DNAH5: variants seen among roughly 807,000 people sequenced by gnomAD.
DNAH5 encodes dynein axonemal heavy chain 5, also known as axonemal beta dynein heavy chain 5.
DNAH5 carries 372 observed loss-of-function variants against 518.2 expected under a neutral mutation model. That is an observed-to-expected ratio of 0.72 (90% CI 0.66 to 0.78). DNAH5 has a LOEUF of 0.78. Ranked by LOEUF, DNAH5 falls within the 30% of genes least tolerant of loss-of-function variation. The pLI is 0.00. For missense variants in DNAH5, 5,523 were observed against 5,687.0 expected (o/e 0.97, Z 0.93); for synonymous variants, 2,039 against 2,025.9 (o/e 1.01, Z -0.17).
chr5:13,751,185 C>T lies in DNAH5; in HGVS notation c.11104G>A (p.Ala3702Thr), dbSNP rs1240907244. The change falls in exon 65 of 79, where the codon GCC (alanine) becomes ACC (threonine). Residue 3702 changes from alanine (A) to threonine (T), a missense_variant. Around this residue, in one of 3 missense-constraint regions of DNAH5, gnomAD observed 5,121 missense variants for 5,223.3 expected, o/e 0.98. Transcript: ENST00000265104. ...CGGGCACTTATCTCAGGGGTGTAGG[C>T]TGGGTTAGGCAATTTGGTGGTAATG... The part of the protein sequence containing the change: ...LYITTKLPNP[A>T]YTPEISARTS... The T allele has an allele frequency of 6.2e-7, 1 of 1,613,752 alleles. No homozygotes were observed. Among genetic ancestry groups the T allele is most frequent in the Non-Finnish European group, 8.5e-7 (1 of 1,179,910 alleles).
In DNAH5 at chr5:13,866,234, G is replaced by A. The variant is rs1342745219; in HGVS notation, c.4102C>T (p.Leu1368Phe). ...AAAAAGATTACCTGAAACATGATAA[G>A]CCTGTCACTGGCTTCCTGGGGCTTC... ...GLKPQEASDR[L>F]IMFQNQFDNI... is the part of the protein sequence containing the mutation. Residue 1368 changes from leucine to phenylalanine, a missense_variant, in exon 26 of 79, where the codon CTT becomes TTT. Leu to Phe is a conservative substitution (Grantham distance 22). This residue lies in a region of DNAH5 where 5,121 missense variants were observed against 5,223.3 expected (regional missense o/e 0.98). Coordinates refer to ENST00000265104, the MANE Select transcript of DNAH5 (RefSeq NM_001369.3). 6.2e-7 allele frequency: 1 copy of A among 1,613,580 alleles called. No individual in the cohort carries two copies. The highest frequency in any genetic ancestry group is 1.7e-5 in the Admixed American group (1 of 59,966).
At chr5:13,883,874 C>G (rs952886410) in intron 19 of DNAH5, among the ~76,000 whole-genome samples, 1 of 152,066 alleles carries the variant, frequency 6.6e-6, no homozygotes, top group Non-Finnish European at 1.5e-5. Flanking sequence ...AAAAATCTTT[C>G]AGAGTTTCCA....
At chr5:13,988,440 CAG>C (rs1783218890) in intron 1 of DNAH5, among the ~76,000 whole-genome samples, 1 of 150,492 alleles carries the variant, frequency 6.6e-6, no homozygotes, top group Non-Finnish European at 1.5e-5. Flanking sequence ...TTCTTTGAGA[CAG>C]AGTCTGGCTC....
Position 13,841,902 on chromosome 5 carries a change from G to C in DNAH5, c.5274C>G (p.Ile1758Met). The change falls in exon 33 of 79, where the codon ATC (isoleucine) becomes ATG (methionine). Residue 1758 changes from isoleucine to methionine, a missense_variant and splice_region_variant. Physicochemically the swap from Ile to Met is conservative, Grantham distance 10. Coordinates refer to ENST00000265104, the MANE Select transcript of DNAH5 (RefSeq NM_001369.3). ...AGGAAATTGACAGAATTCGATCATA[G>C]ATCTATGTTAGAAACCAAAAAAAAA... Reference protein sequence around the residue: ...NIKSVKFHEKIYDRILSISSQ... With the variant: ...NIKSVKFHEKMYDRILSISSQ... 1 of 809,156 alleles carries C rather than the reference G, an allele frequency of 1.2e-6. No homozygotes were observed. Among genetic ancestry groups the C allele is most frequent in the Non-Finnish European group, 1.9e-6 (1 of 523,142 alleles). The allele number at this position is 809,156 out of a possible 1,614,324, so 50.1% of individuals were successfully genotyped here. A position where few individuals can be genotyped will look rare whatever the true frequency, so the allele number is the denominator to read the frequency against.
At chr5:13,749,118 C>A (rs1749842978) in intron 65 of DNAH5, among the ~76,000 whole-genome samples, 1 of 152,014 alleles carries the variant, frequency 6.6e-6, no homozygotes, top group Non-Finnish European at 1.5e-5. Context: ...TGCTGAAAAT[C>A]CATGAAAATG....
chr5:13,990,267 C>T (rs339412), intron 1 of DNAH5, among the ~76,000 whole-genome samples: 3,772 of 151,992 alleles, frequency 0.025, 152 homozygotes, highest in African/African-American at 0.086. Context: ...AATTGGGGCC[C>T]GGCGGCCAGG....
chr5:13,872,474 A>T (rs1350533532), intron 22 of DNAH5, among the ~76,000 whole-genome samples: 1 of 152,206 alleles, frequency 6.6e-6, no homozygotes, highest in African/African-American at 2.4e-5. Flanking sequence ...TAGAGACCCC[A>T]GATACTTCTT....
chr5:13,902,727 C>T (rs1774805427), intron 12 of DNAH5, among the ~76,000 whole-genome samples: 1 of 152,156 alleles, frequency 6.6e-6, no homozygotes, highest in Non-Finnish European at 1.5e-5. Context: ...CCTAGAGGAA[C>T]TGAAATCCCA....
rs775252879 is a variant in DNAH5, at chr5:13,871,429, C to T, written c.3598+135G>A. On this transcript the variant is annotated intron_variant, in intron 23 of 78. Coordinates refer to ENST00000265104, the MANE Select transcript of DNAH5 (RefSeq NM_001369.3). The stretch of plus-strand genomic sequence containing the variant: ...CAGAAGAAAATTTTTTAAAAATCCA[C>T]AAATTGGTTTTAAAGCTTGAGGCCC... 574 of 770,148 alleles carry T rather than the reference C, an allele frequency of 7.5e-4. 2 individuals are homozygous for T. Among genetic ancestry groups the T allele is most frequent in the Non-Finnish European group, 1.1e-3 (519 of 481,000 alleles). 47.7% of individuals were successfully genotyped at this position (770,148 alleles called of 1,614,324 possible). A position where few individuals can be genotyped will look rare whatever the true frequency, so the allele number is the denominator to read the frequency against.
intron 47 of DNAH5, among the ~76,000 whole-genome samples, chr5:13,804,236 C>A (rs1271740171): frequency 6.6e-6 from 1 of 152,180 alleles, no homozygotes; most frequent in Non-Finnish European, 1.5e-5. Context: ...AATTATTAAT[C>A]TGAGACAATG....
At chr5:13,752,799 T>C (rs1456599500) in intron 63 of DNAH5, among the ~76,000 whole-genome samples, 1 of 152,242 alleles carries the variant, frequency 6.6e-6, no homozygotes, top group Admixed American at 6.5e-5. Context: ...CTGTTTCCAT[T>C]GTTGTTTAAC....
rs267600363 is a variant in DNAH5, at chr5:13,807,707, C to T, written c.7771G>A (p.Glu2591Lys). The change falls in exon 47 of 79, where the codon GAA (glutamate) becomes AAA (lysine). Residue 2591 changes from glutamate to lysine, a missense_variant. Glu to Lys is a moderately conservative substitution (Grantham distance 56). Around this residue, in one of 3 missense-constraint regions of DNAH5, gnomAD observed 5,121 missense variants for 5,223.3 expected, o/e 0.98. Coordinates refer to ENST00000265104, the MANE Select transcript of DNAH5 (RefSeq NM_001369.3). ...ATTACTGTTTTGGCTGTTCCTTGTT[C>T]ACCAATTAATAGCACAGCCTAAAAT... ...KQGKAVLLIG[E>K]QGTAKTVIIK... 6.2e-7 allele frequency: 1 copy of T among 1,606,344 alleles called. No homozygotes were observed. Among genetic ancestry groups the T allele is most frequent in the African/African-American group, 1.3e-5 (1 of 74,604 alleles).
intron 29 of DNAH5, chr5:13,860,329 G>T (rs764423761): frequency 6.6e-6 from 1 of 152,344 alleles, no homozygotes; most frequent in Non-Finnish European, 1.5e-5. Flanking sequence ...AGAAGACTAA[G>T]TTCCACATCA....
chr5:13,940,824 A>C (rs17212745), intron 1 of DNAH5, among the ~76,000 whole-genome samples: 33,212 of 152,224 alleles, frequency 0.22, 4,327 homozygotes, highest in Non-Finnish European at 0.29. Context: ...GACTTGTGCA[A>C]AAATTGAATG....
chr5:13,826,764 T>A (rs1197811453), intron 38 of DNAH5, among the ~76,000 whole-genome samples: 1 of 152,204 alleles, frequency 6.6e-6, no homozygotes, highest in Non-Finnish European at 1.5e-5. Context: ...GGGGTGCTAC[T>A]ATAAAGATAC....
intron 52 of DNAH5, among the ~76,000 whole-genome samples, chr5:13,781,396 G>C: frequency 6.6e-6 from 1 of 152,080 alleles, no homozygotes; most frequent in East Asian, 1.9e-4. Flanking sequence ...CTCCACATTT[G>C]AAAAGTGTTC....
rs1770111455 is a variant in DNAH5, at chr5:13,871,600, C to T, written c.3562G>A (p.Glu1188Lys). The T allele has an allele frequency of 1.9e-6, 3 of 1,613,730 alleles. No homozygotes were observed. The highest frequency in any genetic ancestry group is 2.5e-6 in the Non-Finnish European group (3 of 1,179,740). Residue 1188 changes from glutamate to lysine, a missense_variant, in exon 23 of 79, where the codon GAA becomes AAA. Physicochemically the swap from Glu to Lys is moderately conservative, Grantham distance 56. This residue lies in a region of DNAH5 where 5,121 missense variants were observed against 5,223.3 expected (regional missense o/e 0.98). Coordinates refer to ENST00000265104, the MANE Select transcript of DNAH5 (RefSeq NM_001369.3). ...GCAATGGAACCCACACAGACATATT[C>T]AGGCTCAGCATTAATTTCCTGCTCT... ...NLEQEINAEP[E>K]YVCVGSIALY...
Position 13,916,008 on chromosome 5 carries a change from A to C in DNAH5, c.1197+340T>G, listed in dbSNP as rs552664530. Among the ~76,000 whole-genome samples the C allele has an allele frequency of 2.6e-5, 4 of 152,206 alleles. No homozygotes were observed. The East Asian group carries it at 5.8e-4, about 22-fold the overall frequency. On this transcript the variant is annotated intron_variant, in intron 9 of 78. Coordinates refer to ENST00000265104, the MANE Select transcript of DNAH5 (RefSeq NM_001369.3). Reference sequence around the variant, plus strand: ...ATGAAATATGAAACAGGAGATAGCCAGTTAAATATAGCTTTTCTTAATTAA... The same window carrying C: ...ATGAAATATGAAACAGGAGATAGCCCGTTAAATATAGCTTTTCTTAATTAA...
intron 50 of DNAH5, 32 bp from the exon 51 acceptor site, chr5:13,788,946 A>C: frequency 6.3e-7 from 1 of 1,591,190 alleles, no homozygotes; most frequent in Non-Finnish European, 8.6e-7. Context: ...TGTGTTAGTA[A>C]TTCCTGTTAT....
Sources: gnomAD v4.1 joint callset for allele counts (sites outside exome capture counted in the v4.1 genomes callset) on GRCh38, gnomAD v4.1.1 for gene constraint, gnomAD v4.1.1 regional missense constraint, MANE v1.5 for transcripts, NCBI Gene and HGNC (gene_info 2026-07-23, HGNC 2026-07-21) for gene names.